Variants in OTUD7A observed in about 807,000 individuals in gnomAD.
OTUD7A encodes the protein OTU deubiquitinase 7A, also known as OTU domain-containing protein 7A.
In OTUD7A, 12 loss-of-function variants were observed where a neutral mutation model predicts 65.7. The observed-to-expected ratio is 0.18, with a 90% CI of 0.12 to 0.30. OTUD7A has a LOEUF of 0.30. Ranked by LOEUF, OTUD7A falls within the 10% of genes least tolerant of loss-of-function variation. The pLI, the probability that OTUD7A is intolerant of heterozygous loss-of-function variation, is 1.00. For synonymous variants in OTUD7A, 641 were observed against 586.3 expected, an observed-to-expected ratio of 1.09 and a Z score of -1.35; for missense variants, 1,148 against 1,304.8, an observed-to-expected ratio of 0.88 and a Z score of 1.85.
intron 1 of OTUD7A, among the ~76,000 whole-genome samples, chr15:31,776,301 G>A (rs1051441220): frequency 4.6e-5 from 7 of 152,312 alleles, no homozygotes; most frequent in African/African-American, 1.4e-4. Context: ...CTAACCACTC[G>A]GGCTTTGCGG....
intron 3 of OTUD7A, among the ~76,000 whole-genome samples, chr15:31,618,224 T>C (rs2141231964): frequency 6.6e-6 from 1 of 152,346 alleles, no homozygotes; most frequent in Non-Finnish European, 1.5e-5. Flanking sequence ...TTGTGAATAG[T>C]GCCTCAATAA....
intron 1 of OTUD7A, among the ~76,000 whole-genome samples, chr15:31,666,345 G>C (rs965329790): frequency 5.9e-5 from 9 of 152,090 alleles, no homozygotes. Flanking sequence ...ATTTAAGCTA[G>C]GAGGATTGTA....
At chr15:31,489,629 A>G (rs1370321716) in intron 10 of OTUD7A, among the ~76,000 whole-genome samples, 1 of 151,996 alleles carries the variant, frequency 6.6e-6, no homozygotes. Context: ...TGGTGCCTGC[A>G]GAAGACAGCA....
chr15:31,484,047 G>A lies in OTUD7A; in HGVS notation c.2049C>T (p.Ala683=), dbSNP rs2041190780. The change falls in exon 13 of 13, where the codon GCC becomes GCT. Residue 683 remains alanine (A), a synonymous_variant. Transcript: ENST00000307050. This position sits in a 1 kb window ranked among gnomAD's most constrained non-coding sequence, Gnocchi z 4.5. Reference sequence around the variant, plus strand: ...CGGCGGCAGCGGCGGCCGCAGTAGCGGCGTCGCGGCGCCGCTGCTCCTGCT... The same window carrying A: ...CGGCGGCAGCGGCGGCCGCAGTAGCAGCGTCGCGGCGCCGCTGCTCCTGCT... ...SAEQEQRRRD[A]ATAAAAAAAA... 7.5e-7 allele frequency: 1 copy of A among 1,330,896 alleles called. No individual in the cohort carries two copies. The highest frequency in any genetic ancestry group is 3.0e-5 in the East Asian group (1 of 32,986). 82.4% of individuals were successfully genotyped at this position (1,330,896 alleles called of 1,614,324 possible).
chr15:31,816,240 A>G (rs1896546328), intron 1 of OTUD7A, among the ~76,000 whole-genome samples: 1 of 152,192 alleles, frequency 6.6e-6, no homozygotes, highest in Non-Finnish European at 1.5e-5. Flanking sequence ...ACAGGTACAC[A>G]TGCAATTCTA....
intron 3 of OTUD7A, among the ~76,000 whole-genome samples, chr15:31,642,576 C>T (rs1460518766): frequency 1.3e-5 from 2 of 149,478 alleles, no homozygotes; most frequent in African/African-American, 2.5e-5. Flanking sequence ...AAATATAGAC[C>T]TATTCAAATC....
chr15:31,644,185 G>T (rs1243742737), intron 3 of OTUD7A, among the ~76,000 whole-genome samples: 4 of 152,088 alleles, frequency 2.6e-5, no homozygotes, highest in Non-Finnish European at 4.4e-5. Context: ...CACACCCTAT[G>T]TAGGTAAGAT....
In OTUD7A at chr15:31,477,713, A is replaced by G. The variant is rs2041044512; in HGVS notation, c.*5581T>C. On this transcript the variant is annotated 3_prime_UTR_variant, in exon 13 of 13. Transcript: ENST00000307050. ...ATCCAGTGCCTAATATGTGTCAGGC[A>G]CTGTTGTAGGCACCAGGATACAGCA... The G allele has an allele frequency of 6.6e-6, 1 of 152,190 alleles. No homozygotes were observed. Among genetic ancestry groups the G allele is most frequent in the African/African-American group, 2.4e-5 (1 of 41,438 alleles). The allele number at this position is 152,190 out of a possible 1,614,324, so 9.4% of individuals were successfully genotyped here.
intron 8 of OTUD7A, among the ~76,000 whole-genome samples, chr15:31,524,756 G>A (rs1333044032): frequency 6.6e-6 from 1 of 152,154 alleles, no homozygotes; most frequent in Admixed American, 6.5e-5. Flanking sequence ...CTACATAAAT[G>A]GGACAATGTC....
At position 31,483,924 on chromosome 15, in the gene OTUD7A, C is replaced by T. The variant is rs957021702; in HGVS notation, c.2172G>A (p.Leu724=). 78 of 1,085,274 alleles carry T rather than the reference C, an allele frequency of 7.2e-5. No homozygotes were observed. Among genetic ancestry groups the T allele is most frequent in the Non-Finnish European group, 8.7e-5 (77 of 888,190 alleles). 67.2% of individuals were successfully genotyped at this position (1,085,274 alleles called of 1,614,324 possible). A position where few individuals can be genotyped will look rare whatever the true frequency, so the allele number is the denominator to read the frequency against. Residue 724 remains leucine (L), a synonymous_variant, in exon 13 of 13, where the codon CTG becomes CTA. Coordinates refer to ENST00000307050, the MANE Select transcript of OTUD7A (RefSeq NM_001382637.1). ...TCGGCCGCTCCTTGAGCTTGAGCAC[C>T]AGCTGCGTGGGTGGGCCCGGAGAGG... ...ERASPGPPTQ[L]VLKLKERPSP... is the part of the protein sequence containing the mutation.
intron 3 of OTUD7A, among the ~76,000 whole-genome samples, chr15:31,577,453 G>A (rs1889235956): frequency 6.6e-6 from 1 of 152,188 alleles, no homozygotes; most frequent in African/African-American, 2.4e-5. Flanking sequence ...CCTATGACCT[G>A]TGACCATCCC....
intron 1 of OTUD7A, among the ~76,000 whole-genome samples, chr15:31,680,471 G>A (rs1188621136): frequency 1.3e-5 from 2 of 152,166 alleles, no homozygotes; most frequent in African/African-American, 4.8e-5. Flanking sequence ...GTGTCTCTAA[G>A]ATATTAATGT....
intron 1 of OTUD7A, among the ~76,000 whole-genome samples, chr15:31,808,494 T>C (rs1018848004): frequency 6.6e-6 from 1 of 152,168 alleles, no homozygotes; most frequent in African/African-American, 2.4e-5. Context: ...AGTTGTACCG[T>C]TGTTCTTGAC....
chr15:31,631,196 C>T (rs1324179549), intron 3 of OTUD7A, among the ~76,000 whole-genome samples: 2 of 152,322 alleles, frequency 1.3e-5, no homozygotes, highest in South Asian at 4.1e-4. Flanking sequence ...ATGGTCTTTA[C>T]ATTTTGGCAT....
At chr15:31,669,363 T>C (rs1430538185) in intron 1 of OTUD7A, among the ~76,000 whole-genome samples, 2 of 152,090 alleles carry the variant, frequency 1.3e-5, no homozygotes, top group African/African-American at 4.8e-5. Flanking sequence ...CCCAGGTCAA[T>C]GGAGTTGTGT....
chr15:31,858,787 G>T (rs1427797345), intron 1 of OTUD7A, among the ~76,000 whole-genome samples: 1 of 152,208 alleles, frequency 6.6e-6, no homozygotes, highest in African/African-American at 2.4e-5. Context: ...CAGCCTCACA[G>T]TCTTCATTTC....
intron 3 of OTUD7A, among the ~76,000 whole-genome samples, chr15:31,643,273 C>T (rs1167100513): frequency 6.6e-6 from 1 of 152,264 alleles, no homozygotes; most frequent in Non-Finnish European, 1.5e-5. Context: ...GCATGCACCA[C>T]TGCACCTGGC....
intron 1 of OTUD7A, among the ~76,000 whole-genome samples, chr15:31,789,837 G>A (rs2140935971): frequency 6.6e-6 from 1 of 151,556 alleles, no homozygotes; most frequent in South Asian, 2.1e-4. Context: ...GGGAGTTCAA[G>A]ACCAGCCTGA....
In OTUD7A at chr15:31,802,135, G is replaced by GTATA. The variant is rs1434073127; in HGVS notation, c.-100+68371_-100+68372insTATA. On this transcript the variant is annotated intron_variant, in intron 1 of 12. Coordinates refer to ENST00000307050, the MANE Select transcript of OTUD7A (RefSeq NM_001382637.1). ...TGTGTGTGTGTGTGTGTGTGTGTGT[G>GTATA]TGTGTGTATATATATATATGTAAAG... 7.3e-3 allele frequency among the ~76,000 whole-genome samples: 901 copies of GTATA among 123,914 alleles called. 8 individuals carry two copies. The highest frequency in any genetic ancestry group is 0.025 in the African/African-American group (832 of 32,726). The allele number at this position is 123,914 out of a possible 152,430, so 81.3% of individuals were successfully genotyped here. A position where few individuals can be genotyped will look rare whatever the true frequency, so the allele number is the denominator to read the frequency against.
Sources: allele counts gnomAD v4.1 joint callset (sites outside exome capture counted in the v4.1 genomes callset), GRCh38; gene constraint gnomAD v4.1.1; non-coding constraint Gnocchi (gnomAD v3.1); transcripts MANE v1.5; gene names NCBI Gene and HGNC (gene_info 2026-07-23, HGNC 2026-07-21).